The following ARHGAP24 variants were observed in gnomAD, a reference collection of about 807,000 sequenced individuals.
The protein encoded by ARHGAP24 is Rho GTPase activating protein 24.
Under a neutral mutation model 76.4 loss-of-function variants are expected in ARHGAP24, and 50 were observed. That is an observed-to-expected ratio of 0.65 (90% CI 0.52 to 0.83). ARHGAP24 has a LOEUF of 0.83. Among genes scored for constraint, ARHGAP24 ranks in the 40% least tolerant of loss-of-function variants. The probability of loss-of-function intolerance (pLI) is 0.00; values close to 1 mark genes in which losing one functional copy is unlikely to be tolerated. For synonymous variants in ARHGAP24, 345 were observed against 323.3 expected, an observed-to-expected ratio of 1.07 and a Z score of -0.72; for missense variants, 930 against 914.2, an observed-to-expected ratio of 1.02 and a Z score of -0.22.
intron 4 of ARHGAP24, chr4:85,930,178 G>C: frequency 1.1e-6 from 1 of 887,830 alleles, no homozygotes; most frequent in Non-Finnish European, 1.3e-6. Flanking sequence ...GCAGGAGGAG[G>C]GGGAGGAGAT....
rs1370677728 is a variant in ARHGAP24, at chr4:85,994,991, T to C, written c.1337T>C (p.Leu446Pro). The change falls in exon 9 of 10, where the codon CTT becomes CCT. Residue 446 changes from leucine (L) to proline (P), a missense_variant. Transcript: ENST00000395184. ...GSFSSSNAEG[L>P]EKTQTTPNGS... The stretch of plus-strand genomic sequence containing the variant: ...TTCAGCAGCAGTAATGCAGAAGGTC[T>C]TGAGAAAACCCAAACCACCCCCAAT... The C allele has an allele frequency of 6.2e-7, 1 of 1,614,046 alleles. No individual in the cohort carries two copies.
intron 2 of ARHGAP24, among the ~76,000 whole-genome samples, chr4:85,681,251 C>T (rs749054229): frequency 1.1e-4 from 17 of 152,258 alleles, no homozygotes; most frequent in Non-Finnish European, 2.4e-4. Context: ...CCAGCTGACT[C>T]CAGCATAAGC....
chr4:85,949,664 C>G (rs775537672), intron 5 of ARHGAP24, among the ~76,000 whole-genome samples: 3 of 152,162 alleles, frequency 2.0e-5, no homozygotes, highest in Non-Finnish European at 4.4e-5. Context: ...AGGCCCAGAA[C>G]TGGTGCGATG....
chr4:85,866,505 G>T (rs1578319003), intron 3 of ARHGAP24, among the ~76,000 whole-genome samples: 2 of 152,210 alleles, frequency 1.3e-5, no homozygotes, highest in East Asian at 3.9e-4. Context: ...CATTTAGAAA[G>T]ATTCAGTGCA....
intron 3 of ARHGAP24, among the ~76,000 whole-genome samples, chr4:85,837,799 A>G (rs1730370235): frequency 6.6e-6 from 1 of 152,140 alleles, no homozygotes; most frequent in African/African-American, 2.4e-5. Context: ...TTGTAGGGAA[A>G]TTTCCCTACG....
At chr4:85,917,957 A>G (rs1039249184) in intron 3 of ARHGAP24, among the ~76,000 whole-genome samples, 1 of 152,128 alleles carries the variant, frequency 6.6e-6, no homozygotes, top group Non-Finnish European at 1.5e-5. Context: ...TGTCACTAAG[A>G]AAGTCCTAGT....
intron 3 of ARHGAP24, among the ~76,000 whole-genome samples, chr4:85,898,224 C>A (rs1016510): frequency 0.32 from 48,081 of 151,406 alleles, 7,940 homozygotes; most frequent in South Asian, 0.43. Flanking sequence ...TCTTCCAATT[C>A]TTGTTGGAAA....
chr4:85,509,284 AT>A (rs1472026339), intron 1 of ARHGAP24, among the ~76,000 whole-genome samples: 1 of 151,602 alleles, frequency 6.6e-6, no homozygotes, highest in Non-Finnish European at 1.5e-5. Context: ...AGCATGGCAC[AT>A]GTATACATAT....
rs545364257 is a variant in ARHGAP24, at chr4:85,580,783, A to G, written c.180+10062A>G. Among the ~76,000 whole-genome samples the G allele has an allele frequency of 3.9e-5, 6 of 152,188 alleles. No individual in the cohort carries two copies. The South Asian group carries it at 1.0e-3, about 26-fold the overall frequency. Reference sequence around the variant, plus strand: ...TTTTGCCTGTAGCCGGAAGGGGAGGACAGATAGTGGTTCTGGCCACAGTGA... The same window carrying G: ...TTTTGCCTGTAGCCGGAAGGGGAGGGCAGATAGTGGTTCTGGCCACAGTGA... On this transcript the variant is annotated intron_variant, in intron 2 of 9. Coordinates refer to ENST00000395184, the MANE Select transcript of ARHGAP24 (RefSeq NM_001025616.3).
intron 5 of ARHGAP24, among the ~76,000 whole-genome samples, chr4:85,943,623 AC>A (rs1167607164): frequency 6.6e-6 from 1 of 151,826 alleles, no homozygotes; most frequent in African/African-American, 2.4e-5. Flanking sequence ...CCCCCACCCC[AC>A]AACAGGCCTG....
intron 1 of ARHGAP24, among the ~76,000 whole-genome samples, chr4:85,482,522 C>T (rs932776611): frequency 2.6e-5 from 4 of 151,816 alleles, no homozygotes; most frequent in Non-Finnish European, 5.9e-5. Flanking sequence ...GTCAAGCTGC[C>T]GAGGGAGGAT....
intron 3 of ARHGAP24, among the ~76,000 whole-genome samples, chr4:85,770,235 G>T (rs1180134108): frequency 2.6e-5 from 4 of 152,124 alleles, no homozygotes; most frequent in Non-Finnish European, 4.4e-5. Context: ...CAGTGTAGGG[G>T]AATTACACTT....
chr4:85,665,016 G>C (rs969349920), intron 2 of ARHGAP24, among the ~76,000 whole-genome samples: 2 of 152,098 alleles, frequency 1.3e-5, no homozygotes, highest in Non-Finnish European at 2.9e-5. Flanking sequence ...GAGTTCTGTC[G>C]ATGTCTATTA....
rs150930028 is a variant in ARHGAP24, at chr4:85,854,664, T to C, written c.269-68984T>C. 3.4e-3 allele frequency among the ~76,000 whole-genome samples: 517 copies of C among 152,326 alleles called. 6 individuals carry two copies. Among genetic ancestry groups the C allele is most frequent in the African/African-American group, 0.011 (478 of 41,574 alleles). On this transcript the variant is annotated intron_variant, in intron 3 of 9. Coordinates refer to ENST00000395184, the MANE Select transcript of ARHGAP24 (RefSeq NM_001025616.3). ...CAGAAGACTCCTAACTTAGTGACCA[T>C]GTTTCTTACATCCGGCTATGTCTAA...
intron 2 of ARHGAP24, among the ~76,000 whole-genome samples, chr4:85,627,095 G>T (rs1312335157): frequency 1.3e-5 from 2 of 152,112 alleles, no homozygotes; most frequent in Non-Finnish European, 2.9e-5. Context: ...TCTCTTTCCA[G>T]CTTTGTTCTA....
At chr4:85,486,022 C>T (rs1259528735) in intron 1 of ARHGAP24, among the ~76,000 whole-genome samples, 3 of 152,010 alleles carry the variant, frequency 2.0e-5, no homozygotes, top group Non-Finnish European at 2.9e-5. Context: ...TACAGGCTGC[C>T]GTGCCCAGTC....
intron 2 of ARHGAP24, among the ~76,000 whole-genome samples, chr4:85,706,675 C>T (rs1164604382): frequency 1.3e-5 from 2 of 151,852 alleles, no homozygotes; most frequent in Non-Finnish European, 2.9e-5. Context: ...AAGTGATTCT[C>T]CTGCCTCAGC....
chr4:85,981,662 T>C (rs547714753), intron 8 of ARHGAP24, among the ~76,000 whole-genome samples: 237 of 152,250 alleles, frequency 1.6e-3, no homozygotes, highest in Non-Finnish European at 2.9e-3. Flanking sequence ...TTGGTCTTTC[T>C]TCCTGTTTTT....
At chr4:85,938,695 A>G (rs1181590956) in intron 4 of ARHGAP24, among the ~76,000 whole-genome samples, 1 of 152,210 alleles carries the variant, frequency 6.6e-6, no homozygotes, top group Non-Finnish European at 1.5e-5. Context: ...GGAATTTTAA[A>G]TCATATGTAC....
Sources: gnomAD v4.1 joint callset for allele counts (sites outside exome capture counted in the v4.1 genomes callset) on GRCh38, gnomAD v4.1.1 for gene constraint, MANE v1.5 for transcripts, NCBI Gene and HGNC (gene_info 2026-07-23, HGNC 2026-07-21) for gene names.